The following LRRIQ3 variants were observed in gnomAD, a reference collection of about 807,000 sequenced individuals.
LRRIQ3 encodes the protein leucine rich repeats and IQ motif containing 3.
In LRRIQ3, 75 loss-of-function variants were observed where a neutral mutation model predicts 59.3. The ratio of observed to expected loss-of-function variants is 1.26; its 90% CI spans 1.05 to 1.53. The LOEUF is 1.53. Ranked by LOEUF, LRRIQ3 falls within the 40% of genes most tolerant of loss-of-function variation. The probability of loss-of-function intolerance (pLI) is 0.00; values close to 1 mark genes in which losing one functional copy is unlikely to be tolerated. For synonymous variants in LRRIQ3, 250 were observed against 231.3 expected (o/e 1.08, Z -0.73); for missense variants, 831 against 710.0 (o/e 1.17, Z -1.94).
intron 3 of LRRIQ3, among the ~76,000 whole-genome samples, chr1:74,165,096 G>A (rs1465776785): frequency 1.3e-5 from 2 of 151,350 alleles, no homozygotes; most frequent in Non-Finnish European, 3.0e-5. Context: ...GGTAACTGAT[G>A]CATCCCACTT....
At chr1:74,132,817 G>A (rs1046353575) in intron 4 of LRRIQ3, among the ~76,000 whole-genome samples, 1 of 152,156 alleles carries the variant, frequency 6.6e-6, no homozygotes, top group Non-Finnish European at 1.5e-5. Flanking sequence ...AGGACTTCAT[G>A]TCTAAAACAT....
At position 74,198,047 on chromosome 1, in the gene LRRIQ3, C is replaced by T. The variant is rs546147721; in HGVS notation, c.-52G>A. On this transcript the variant is annotated 5_prime_UTR_variant, in exon 1 of 8. Transcript: ENST00000354431. ...TGAGTTGGAGACAAGTGGCCCAGCC[C>T]CAACACAGTCAGACAAATCGCTGGG... 3 of 867,416 alleles carry T rather than the reference C, an allele frequency of 3.5e-6. No individual in the cohort carries two copies. Among genetic ancestry groups the T allele is most frequent in the Admixed American group, 3.0e-5 (1 of 33,194 alleles). 53.7% of individuals were successfully genotyped at this position (867,416 alleles called of 1,614,324 possible).
intron 4 of LRRIQ3, among the ~76,000 whole-genome samples, chr1:74,129,256 G>A (rs1454073104): frequency 6.6e-6 from 1 of 151,984 alleles, no homozygotes; most frequent in Non-Finnish European, 1.5e-5. Flanking sequence ...AGCACCTTGA[G>A]TCAGTTACTT....
intron 5 of LRRIQ3, among the ~76,000 whole-genome samples, chr1:74,099,678 T>G (rs971373404): frequency 5.9e-5 from 9 of 152,088 alleles, no homozygotes; most frequent in African/African-American, 2.2e-4. Context: ...GCAAACCGAA[T>G]CCAGCAACAC....
intron 6 of LRRIQ3, among the ~76,000 whole-genome samples, chr1:74,051,791 T>A (rs1318317208): frequency 6.6e-6 from 1 of 152,180 alleles, no homozygotes; most frequent in African/African-American, 2.4e-5. Context: ...TCTAAGGTAG[T>A]AAATTACAGC....
intron 6 of LRRIQ3, among the ~76,000 whole-genome samples, chr1:74,056,208 G>A (rs1171282319): frequency 6.6e-6 from 1 of 151,722 alleles, no homozygotes; most frequent in Non-Finnish European, 1.5e-5. Context: ...ATTAGATATA[G>A]CAGGAACATA....
intron 5 of LRRIQ3, among the ~76,000 whole-genome samples, chr1:74,104,353 TA>T (rs1481534982): frequency 5.3e-5 from 8 of 151,956 alleles, no homozygotes; most frequent in Admixed American, 6.6e-5. Context: ...CCCAAATGAA[TA>T]AAAAACATGC....
rs920479816 is a variant in LRRIQ3, at chr1:74,074,706, C to A, written c.952G>T (p.Asp318Tyr). 2.1e-6 allele frequency: 3 copies of A among 1,456,902 alleles called. No individual in the cohort carries two copies. The highest frequency in any genetic ancestry group is 2.2e-5 in the Admixed American group (1 of 46,058). The allele number at this position is 1,456,902 out of a possible 1,614,324, so 90.2% of individuals were successfully genotyped here. ...SSILCELKPK[D>Y]LGMKSKTSRH... The stretch of plus-strand genomic sequence containing the variant: ...GATGTTTTTGATTTCATGCCTAGAT[C>A]TTTTGGTTTTAATTCACATAAAATA... Residue 318 changes from aspartate (D) to tyrosine (Y), a missense_variant, in exon 6 of 8, where the codon GAT becomes TAT. Asp to Tyr is a radical substitution (Grantham distance 160). Coordinates refer to ENST00000354431, the MANE Select transcript of LRRIQ3 (RefSeq NM_001105659.2).
At chr1:74,190,427 G>A (rs1270809358) in intron 1 of LRRIQ3, among the ~76,000 whole-genome samples, 1 of 151,572 alleles carries the variant, frequency 6.6e-6, no homozygotes, top group Non-Finnish European at 1.5e-5. Context: ...AAGAATCTCT[G>A]ACTTTGAGGA....
intron 4 of LRRIQ3, among the ~76,000 whole-genome samples, chr1:74,132,066 G>T (rs1022590883): frequency 6.6e-6 from 1 of 151,764 alleles, no homozygotes; most frequent in Non-Finnish European, 1.5e-5. Flanking sequence ...TATCACAAAC[G>T]TTCTTATGCA....
At chr1:74,192,605 A>C (rs145203822) in intron 1 of LRRIQ3, among the ~76,000 whole-genome samples, 265 of 152,160 alleles carry the variant, frequency 1.7e-3, no homozygotes, top group African/African-American at 6.0e-3. Flanking sequence ...CACTATATTA[A>C]TTTACATTCA....
Position 74,183,688 on chromosome 1 carries a change from G to A in LRRIQ3, c.1-4C>T. 3.4e-6 allele frequency: 5 copies of A among 1,476,036 alleles called. No individual in the cohort carries two copies. Among genetic ancestry groups the A allele is most frequent in the South Asian group, 1.5e-5 (1 of 68,426 alleles). 91.4% of individuals were successfully genotyped at this position (1,476,036 alleles called of 1,614,324 possible). A position where few individuals can be genotyped will look rare whatever the true frequency, so the allele number is the denominator to read the frequency against. ...CTGTGACTGTTCCATGAAACATCTA[G>A]GAAAGATAAGAAAGTGCTTTGATTT... On this transcript the variant is annotated splice_region_variant and splice_polypyrimidine_tract_variant and intron_variant, in intron 1 of 7. Transcript: ENST00000354431.
intron 3 of LRRIQ3, among the ~76,000 whole-genome samples, chr1:74,175,788 CTT>C (rs1649602033): frequency 6.6e-6 from 1 of 152,128 alleles, no homozygotes; most frequent in African/African-American, 2.4e-5. Flanking sequence ...TTGTATATCT[CTT>C]TGTACAGCTT....
chr1:74,096,908 AGCTTCGTCTCAG>A (rs938362017), intron 5 of LRRIQ3, among the ~76,000 whole-genome samples: 1 of 152,098 alleles, frequency 6.6e-6, no homozygotes, highest in African/African-American at 2.4e-5. Flanking sequence ...TTCCTCTGGA[AGCTTCGTCTCAG>A]AGGGGTACCC....
intron 7 of LRRIQ3, among the ~76,000 whole-genome samples, chr1:74,037,860 T>C (rs993831566): frequency 6.6e-6 from 1 of 152,028 alleles, no homozygotes; most frequent in Non-Finnish European, 1.5e-5. Context: ...AACCCAAGGA[T>C]TGGAGGATCC....
chr1:74,041,588 A>G lies in LRRIQ3; in HGVS notation c.1343T>C (p.Val448Ala). Reference sequence around the variant, plus strand: ...AGCTACTCTAACTCTTTCTCGAGCAACTTGTGCCATGGCTACAACTCTTAC... The same window carrying G: ...AGCTACTCTAACTCTTTCTCGAGCAGCTTGTGCCATGGCTACAACTCTTAC... ...EKVRVVAMAQVARERVRVAVN... is the reference protein window; with the variant it reads ...EKVRVVAMAQAARERVRVAVN... The change falls in exon 7 of 8, where the codon GTT becomes GCT. Residue 448 changes from valine to alanine, a missense_variant. Physicochemically the swap from Val to Ala is moderately conservative, Grantham distance 64. Coordinates refer to ENST00000354431, the MANE Select transcript of LRRIQ3 (RefSeq NM_001105659.2). The G allele has an allele frequency of 6.2e-7, 1 of 1,613,764 alleles. No individual in the cohort carries two copies. Among genetic ancestry groups the G allele is most frequent in the Non-Finnish European group, 8.5e-7 (1 of 1,179,872 alleles).
intron 1 of LRRIQ3, among the ~76,000 whole-genome samples, 200 bp downstream of exon 1, chr1:74,197,796 G>A (rs1651310907): frequency 6.6e-6 from 1 of 152,186 alleles, no homozygotes; most frequent in African/African-American, 2.4e-5. Context: ...GTTGGGGGCA[G>A]ATGGCCCGGG....
chr1:74,099,452 T>C (rs1015840438), intron 5 of LRRIQ3, among the ~76,000 whole-genome samples: 2 of 152,120 alleles, frequency 1.3e-5, no homozygotes, highest in African/African-American at 2.4e-5. Flanking sequence ...ACTAGATGGA[T>C]TCACAGCCGA....
At chr1:74,029,807 G>A (rs562646343) in intron 7 of LRRIQ3, among the ~76,000 whole-genome samples, 5 of 152,038 alleles carry the variant, frequency 3.3e-5, no homozygotes, top group African/African-American at 1.2e-4. Context: ...GGTAGAATTC[G>A]GCTGTGAATC....
Sources: gnomAD v4.1 joint callset for allele counts (sites outside exome capture counted in the v4.1 genomes callset) on GRCh38, gnomAD v4.1.1 for gene constraint, MANE v1.5 for transcripts, NCBI Gene and HGNC (gene_info 2026-07-23, HGNC 2026-07-21) for gene names.